Variants in PTPRM observed in about 807,000 individuals in gnomAD.
PTPRM encodes the protein protein tyrosine phosphatase receptor type M.
Under a neutral mutation model 186.7 loss-of-function variants are expected in PTPRM, and 47 were observed. That is an observed-to-expected ratio of 0.25 (90% CI 0.20 to 0.32). PTPRM has a LOEUF of 0.32. PTPRM is among the 10% of genes least tolerant of loss of function. The pLI is 1.00. For missense variants in PTPRM, 1,494 were observed against 1,865.0 expected, an observed-to-expected ratio of 0.80 and a Z score of 3.66; for synonymous variants, 668 against 674.9, an observed-to-expected ratio of 0.99 and a Z score of 0.16.
At chr18:7,670,651 T>C (rs1172043011) in intron 1 of PTPRM, among the ~76,000 whole-genome samples, 3 of 152,232 alleles carry the variant, frequency 2.0e-5, no homozygotes, top group African/African-American at 4.8e-5. Context: ...AAGTGACACT[T>C]TATAGAGGTC....
intron 7 of PTPRM, among the ~76,000 whole-genome samples, chr18:8,047,543 G>GT (rs2087149516): frequency 1.3e-5 from 2 of 152,162 alleles, no homozygotes; most frequent in Non-Finnish European, 2.9e-5. Context: ...TTCTCTAGGT[G>GT]TTAAATTAGT....
At chr18:8,066,547 T>C (rs1244243295) in intron 7 of PTPRM, among the ~76,000 whole-genome samples, 3 of 152,238 alleles carry the variant, frequency 2.0e-5, no homozygotes, top group East Asian at 3.9e-4. Flanking sequence ...CCTACCCCCA[T>C]TGATATTGAC....
At chr18:8,403,319 T>C (rs977434260) in intron 32 of PTPRM, 3 of 152,172 alleles carry the variant, frequency 2.0e-5, no homozygotes, top group African/African-American at 7.2e-5. Context: ...GGAATATAAT[T>C]TGCATGCCAT....
Position 8,112,411 on chromosome 18 carries a change from G to A in PTPRM, c.1857-1075G>A, listed in dbSNP as rs75370232. The stretch of plus-strand genomic sequence containing the variant: ...CCCCCATGGGTGGGGATAGCAGGCA[G>A]CCCTCTTCTGTGCTTTTTCCTTGGC... On this transcript the variant is annotated intron_variant, in intron 11 of 32. Transcript: ENST00000580170. 6.0e-3 allele frequency among the ~76,000 whole-genome samples: 912 copies of A among 152,294 alleles called. 6 individuals are homozygous for A. The highest frequency in any genetic ancestry group is 0.021 in the African/African-American group (862 of 41,564).
At chr18:7,713,954 T>C (rs552250718) in intron 1 of PTPRM, among the ~76,000 whole-genome samples, 4 of 152,114 alleles carry the variant, frequency 2.6e-5, no homozygotes, top group African/African-American at 9.6e-5. Flanking sequence ...ACTGTCAATA[T>C]TAGATTGGTG....
chr18:7,595,083 G>C (rs1023864586), intron 1 of PTPRM, among the ~76,000 whole-genome samples: 5 of 152,126 alleles, frequency 3.3e-5, no homozygotes, highest in African/African-American at 1.2e-4. Flanking sequence ...TGACTTGCTA[G>C]GCCTGATGTT....
rs79017180 is a variant in PTPRM, at chr18:7,913,864, A to G, written c.547+7281A>G. Among the ~76,000 whole-genome samples the G allele has an allele frequency of 7.2e-3, 1,095 of 152,304 alleles. 13 individuals are homozygous for G. Among genetic ancestry groups the G allele is most frequent in the African/African-American group, 0.021 (887 of 41,572 alleles). On this transcript the variant is annotated intron_variant, in intron 4 of 32. Coordinates refer to ENST00000580170, the MANE Select transcript of PTPRM (RefSeq NM_001105244.2). ...AAGCCCTTCTAAACCCATGTGCTGT[A>G]TATTGGATAAATTGAATACAAAATC...
intron 14 of PTPRM, among the ~76,000 whole-genome samples, chr18:8,185,165 TA>T (rs5822995): frequency 0.48 from 71,635 of 150,654 alleles, 17,180 homozygotes; most frequent in Middle Eastern, 0.69. Flanking sequence ...TTAAAAAAAA[TA>T]AAAAAAAAAG....
chr18:8,027,526 A>T (rs1406690255), intron 7 of PTPRM, among the ~76,000 whole-genome samples: 1 of 152,232 alleles, frequency 6.6e-6, no homozygotes, highest in East Asian at 1.9e-4. Context: ...CTACTTAATC[A>T]GATTCTGCCC....
chr18:7,966,914 A>G (rs1363369812), intron 7 of PTPRM, among the ~76,000 whole-genome samples: 2 of 126,582 alleles, frequency 1.6e-5, no homozygotes, highest in Non-Finnish European at 1.9e-5. Context: ...TGCTGAGGTA[A>G]ACAAAGCAGC....
intron 2 of PTPRM, among the ~76,000 whole-genome samples, chr18:7,835,374 T>G (rs532149567): frequency 6.6e-6 from 1 of 152,234 alleles, no homozygotes; most frequent in South Asian, 2.1e-4. Flanking sequence ...TTAATTTCCA[T>G]GTATTTGTAT....
intron 1 of PTPRM, among the ~76,000 whole-genome samples, chr18:7,722,847 G>T (rs2040474626): frequency 1.3e-5 from 2 of 152,182 alleles, no homozygotes; most frequent in Admixed American, 6.5e-5. Context: ...ATGTAAATCG[G>T]TACGCAAATG....
chr18:7,943,561 C>T (rs572362255), intron 5 of PTPRM, among the ~76,000 whole-genome samples: 2 of 152,290 alleles, frequency 1.3e-5, no homozygotes, highest in East Asian at 1.9e-4. Flanking sequence ...ATTCGAACCT[C>T]GTGGCTTCAT....
intron 5 of PTPRM, among the ~76,000 whole-genome samples, chr18:7,926,956 C>A (rs7241071): frequency 0.04 from 6,047 of 151,778 alleles, 387 homozygotes; most frequent in African/African-American, 0.14. Flanking sequence ...TATTAAATTA[C>A]AAAATATAGC....
At chr18:7,888,430 A>T in intron 3 of PTPRM, 53 bp downstream of exon 3, 1 of 1,496,952 alleles carries the variant, frequency 6.7e-7, no homozygotes, top group Middle Eastern at 2.1e-4. Context: ...ATTTCTAAAA[A>T]TATAAATTAT....
intron 7 of PTPRM, among the ~76,000 whole-genome samples, chr18:8,044,850 AAAT>A (rs1185116036): frequency 2.6e-5 from 4 of 152,180 alleles, no homozygotes; most frequent in Admixed American, 1.3e-4. Context: ...AAAATATGGA[AAAT>A]AATAAGTGTT....
chr18:8,113,333 C>T (rs1434382238), intron 11 of PTPRM, among the ~76,000 whole-genome samples, 153 bp from the exon 12 acceptor site: 1 of 152,216 alleles, frequency 6.6e-6, no homozygotes, highest in African/African-American at 2.4e-5. Flanking sequence ...TGAGCAAGTG[C>T]TGCATGAGAG....
At chr18:7,593,913 T>C (rs555478371) in intron 1 of PTPRM, among the ~76,000 whole-genome samples, 2 of 152,240 alleles carry the variant, frequency 1.3e-5, no homozygotes, top group African/African-American at 2.4e-5. Flanking sequence ...CCTACATGGC[T>C]TATCTGAGGT....
chr18:8,218,886 A>G (rs945307965), intron 14 of PTPRM, among the ~76,000 whole-genome samples: 6 of 152,190 alleles, frequency 3.9e-5, no homozygotes, highest in African/African-American at 1.4e-4. Flanking sequence ...AAGAGTAGTA[A>G]CTCTTGGTTC....
Sources: gnomAD v4.1 joint callset for allele counts (sites outside exome capture counted in the v4.1 genomes callset) on GRCh38, gnomAD v4.1.1 for gene constraint, MANE v1.5 for transcripts, NCBI Gene and HGNC (gene_info 2026-07-23, HGNC 2026-07-21) for gene names.